Variants in GNAL observed in about 807,000 individuals in gnomAD.
The protein encoded by GNAL is guanine nucleotide-binding protein G(olf) subunit alpha.
In GNAL, 18 loss-of-function variants were observed where a neutral mutation model predicts 55.1. The observed-to-expected ratio is 0.33, with a 90% CI of 0.23 to 0.48. GNAL has a LOEUF of 0.48. Among genes scored for constraint, GNAL ranks in the 20% least tolerant of loss-of-function variants. The pLI is 0.99. For synonymous variants in GNAL, 253 were observed against 237.0 expected, an observed-to-expected ratio of 1.07 and a Z score of -0.62; for missense variants, 412 against 614.1, an observed-to-expected ratio of 0.67 and a Z score of 3.48.
chr18:11,698,660 C>A (rs2031481875), intron 1 of GNAL, among the ~76,000 whole-genome samples: 1 of 152,064 alleles, frequency 6.6e-6, no homozygotes, highest in Non-Finnish European at 1.5e-5. Flanking sequence ...CAGGTGTGCC[C>A]ACTCCTGCAC....
chr18:11,851,446 A>C (rs566722839), intron 5 of GNAL: 42 of 1,464,044 alleles, frequency 2.9e-5, no homozygotes, highest in Non-Finnish European at 3.5e-5. Flanking sequence ...GAGCGGACTT[A>C]CCTTACCTTC....
At position 11,864,517 on chromosome 18, in the gene GNAL, CTCT is replaced by C. The variant is rs1420642168; in HGVS notation, c.778-11_778-9del. ...CAGTAATGTAACTCAGCTTGTTTCC[CTCT>C]TCTTGTTCCCAGGACCTCCTCAGAT... On this transcript the variant is annotated splice_polypyrimidine_tract_variant and intron_variant, in intron 6 of 11. Transcript: ENST00000334049. 1.4e-6 allele frequency: 2 copies of C among 1,414,432 alleles called. No individual in the cohort carries two copies. Among genetic ancestry groups the C allele is most frequent in the Admixed American group, 1.7e-5 (1 of 59,750 alleles). 87.6% of individuals were successfully genotyped at this position (1,414,432 alleles called of 1,614,324 possible).
intron 4 of GNAL, among the ~76,000 whole-genome samples, chr18:11,758,989 G>A (rs187418103): frequency 2.0e-5 from 3 of 151,956 alleles, no homozygotes; most frequent in African/African-American, 4.8e-5. Flanking sequence ...CCTGGCCAAC[G>A]TGGTGAAACC....
intron 1 of GNAL, among the ~76,000 whole-genome samples, chr18:11,735,400 G>T (rs1021012164): frequency 1.4e-4 from 22 of 152,108 alleles, no homozygotes; most frequent in South Asian, 2.1e-4. Flanking sequence ...GCTCAATGAA[G>T]AGAGTGATGA....
chr18:11,786,479 T>C (rs949003748), intron 4 of GNAL, among the ~76,000 whole-genome samples: 7 of 140,240 alleles, frequency 5.0e-5, no homozygotes, highest in Non-Finnish European at 6.2e-5. Context: ...GATGGAGTCT[T>C]GCTCTGTCGC....
intron 1 of GNAL, among the ~76,000 whole-genome samples, chr18:11,702,697 A>T (rs2031601893): frequency 6.6e-6 from 1 of 152,042 alleles, no homozygotes; most frequent in Admixed American, 6.6e-5. Flanking sequence ...TCAACCAGCC[A>T]TTGCAGCACA....
At chr18:11,722,034 C>A (rs931832239) in intron 1 of GNAL, among the ~76,000 whole-genome samples, 6 of 152,144 alleles carry the variant, frequency 3.9e-5, no homozygotes, top group African/African-American at 1.4e-4. Context: ...TAAACAGTAA[C>A]AACTGAGCAT....
intron 4 of GNAL, among the ~76,000 whole-genome samples, chr18:11,777,403 A>G (rs922108101): frequency 6.6e-6 from 1 of 152,326 alleles, no homozygotes; most frequent in African/African-American, 2.4e-5. Context: ...AGGCCTCCTA[A>G]CAGGTATTCA....
chr18:11,838,327 C>G (rs2143717739), intron 5 of GNAL, among the ~76,000 whole-genome samples: 1 of 152,264 alleles, frequency 6.6e-6, no homozygotes, highest in East Asian at 1.9e-4. Context: ...GGTATCATTT[C>G]ATTTATATGA....
At chr18:11,835,838 T>G (rs1426041647) in intron 5 of GNAL, among the ~76,000 whole-genome samples, 1 of 152,174 alleles carries the variant, frequency 6.6e-6, no homozygotes, top group African/African-American at 2.4e-5. Flanking sequence ...AGGTACAGTT[T>G]CAGAATTATT....
In GNAL at chr18:11,757,370, T is replaced by C. The variant is rs570277788; in HGVS notation, c.624+3425T>C. Reference sequence around the variant, plus strand: ...TAAGCAGTGGAGCCATGAGATCTCATTGTGTTTCATCAAGATCACTCTGGC... The same window carrying C: ...TAAGCAGTGGAGCCATGAGATCTCACTGTGTTTCATCAAGATCACTCTGGC... On this transcript the variant is annotated intron_variant, in intron 4 of 11. Transcript: ENST00000334049. Among the ~76,000 whole-genome samples the C allele has an allele frequency of 3.9e-5, 6 of 152,252 alleles. 1 individual carries two copies. Among genetic ancestry groups the C allele is most frequent in the African/African-American group, 1.2e-4 (5 of 41,538 alleles).
At chr18:11,781,542 A>G (rs1440747490) in intron 4 of GNAL, among the ~76,000 whole-genome samples, 1 of 152,244 alleles carries the variant, frequency 6.6e-6, no homozygotes, top group Non-Finnish European at 1.5e-5. Context: ...AAAAAAGAAA[A>G]GAGCAGTTGT....
chr18:11,825,165 G>C, intron 5 of GNAL, 150 bp downstream of exon 5: 1 of 587,416 alleles, frequency 1.7e-6, no homozygotes, highest in Non-Finnish European at 3.0e-6. Context: ...AATGAGACAT[G>C]TTTAGTAGAT....
chr18:11,693,925 T>G (rs2031331653), intron 1 of GNAL, among the ~76,000 whole-genome samples: 1 of 148,716 alleles, frequency 6.7e-6, no homozygotes, highest in Non-Finnish European at 1.5e-5. Flanking sequence ...TGATCATGGC[T>G]CACTGCAGCC....
intron 1 of GNAL, among the ~76,000 whole-genome samples, chr18:11,742,046 C>A (rs541905824): frequency 1.4e-4 from 22 of 152,298 alleles, no homozygotes; most frequent in African/African-American, 5.1e-4. Context: ...CTCTTCCCAG[C>A]CCCTGGATAC....
chr18:11,851,720 C>A, intron 5 of GNAL: 3 of 1,613,970 alleles, frequency 1.9e-6, no homozygotes, highest in Non-Finnish European at 2.5e-6. Flanking sequence ...AGAATGAGTG[C>A]GCGAGTCGAT....
intron 1 of GNAL, chr18:11,746,935 A>G: frequency 1.9e-6 from 1 of 536,142 alleles, no homozygotes; most frequent in Non-Finnish European, 3.8e-6. Context: ...ACATTACAAC[A>G]GTTTGCACTT....
chr18:11,855,876 G>GT, intron 5 of GNAL, among the ~76,000 whole-genome samples: 1 of 151,322 alleles, frequency 6.6e-6, no homozygotes, highest in African/African-American at 2.5e-5. Context: ...GGAGGCTGAG[G>GT]CAGGAGAATT....
intron 5 of GNAL, among the ~76,000 whole-genome samples, chr18:11,837,151 C>T (rs983049181): frequency 2.5e-4 from 38 of 152,036 alleles, no homozygotes; most frequent in African/African-American, 9.2e-4. Context: ...CCACCACGCC[C>T]AGTTAATTTT....
Sources: gnomAD v4.1 joint callset for allele counts (sites outside exome capture counted in the v4.1 genomes callset) on GRCh38, gnomAD v4.1.1 for gene constraint, MANE v1.5 for transcripts, NCBI Gene and HGNC (gene_info 2026-07-23, HGNC 2026-07-21) for gene names.